Variants in LRMDA observed in about 807,000 individuals in gnomAD.
The protein encoded by LRMDA is leucine-rich melanocyte differentiation-associated protein.
A neutral mutation model predicts 29.8 loss-of-function variants in LRMDA; 18 were observed. The ratio of observed to expected loss-of-function variants is 0.60; its 90% CI spans 0.42 to 0.90. LRMDA has a LOEUF of 0.90. Ranked by LOEUF, LRMDA falls within the 40% of genes least tolerant of loss-of-function variation. The pLI is 0.00. For synonymous variants in LRMDA, 125 were observed against 109.4 expected (o/e 1.14, Z -0.89); for missense variants, 273 against 273.9 (o/e 1.00, Z 0.02).
intron 5 of LRMDA, among the ~76,000 whole-genome samples, chr10:76,217,465 G>A (rs1260554176): frequency 1.3e-5 from 2 of 152,276 alleles, no homozygotes; most frequent in South Asian, 2.1e-4. Context: ...GGCTGGGGGG[G>A]AATGGTTATG....
At chr10:76,133,719 A>T (rs111644304) in intron 5 of LRMDA, among the ~76,000 whole-genome samples, 49 of 152,238 alleles carry the variant, frequency 3.2e-4, no homozygotes, top group Non-Finnish European at 4.1e-4. Context: ...ACTCGACGAC[A>T]TGTGGAAAAT....
At chr10:76,167,874 T>C (rs1850768856) in intron 5 of LRMDA, among the ~76,000 whole-genome samples, 1 of 152,190 alleles carries the variant, frequency 6.6e-6, no homozygotes. Flanking sequence ...TATTGATTTT[T>C]CCCATCCATG....
intron 2 of LRMDA, among the ~76,000 whole-genome samples, chr10:76,022,860 C>T (rs1213594808): frequency 6.6e-6 from 1 of 152,142 alleles, no homozygotes; most frequent in African/African-American, 2.4e-5. Flanking sequence ...TGTTTAATTT[C>T]CGTATCTCAA....
intron 6 of LRMDA, among the ~76,000 whole-genome samples, chr10:76,518,074 C>T (rs1843079684): frequency 6.6e-6 from 1 of 151,574 alleles, no homozygotes; most frequent in African/African-American, 2.4e-5. Context: ...GGACTGAACT[C>T]ACAAGTGAAC....
intron 5 of LRMDA, among the ~76,000 whole-genome samples, chr10:76,248,461 G>A (rs546866689): frequency 2.6e-5 from 4 of 152,130 alleles, no homozygotes; most frequent in Non-Finnish European, 5.9e-5. Context: ...TGAAGAGTCC[G>A]TCAAAAACAT....
chr10:75,746,558 T>C (rs1169334908), intron 2 of LRMDA, among the ~76,000 whole-genome samples: 1 of 152,130 alleles, frequency 6.6e-6, no homozygotes, highest in Non-Finnish European at 1.5e-5. Context: ...CTTACAAATA[T>C]TTGTCAGAGG....
intron 5 of LRMDA, among the ~76,000 whole-genome samples, chr10:76,272,930 C>G (rs570123323): frequency 2.0e-5 from 3 of 152,262 alleles, no homozygotes; most frequent in Non-Finnish European, 4.4e-5. Context: ...AAACTGCCCC[C>G]ATGATCCAGT....
At chr10:76,323,316 C>T (rs551262013) in intron 5 of LRMDA, among the ~76,000 whole-genome samples, 1 of 151,904 alleles carries the variant, frequency 6.6e-6, no homozygotes, top group South Asian at 2.1e-4. Context: ...AGTTTTGATT[C>T]CTATAATATA....
rs149254281 is a variant in LRMDA at position 76,186,732 on chromosome 10, G to A, written c.516+127949G>A. ...GGTAGGATACTAAGCCCTGAAGACA[G>A]GGCAGTAAAAAAGATAGACTCAGTC... On this transcript the variant is annotated intron_variant, in intron 5 of 6. Transcript: ENST00000611255. Among the ~76,000 whole-genome samples the A allele has an allele frequency of 1.6e-3, 239 of 152,282 alleles. 1 individual carries two copies. The highest frequency in any genetic ancestry group is 5.4e-3 in the African/African-American group (224 of 41,560).
At chr10:76,161,543 G>C (rs1477594808) in intron 5 of LRMDA, among the ~76,000 whole-genome samples, 1 of 152,144 alleles carries the variant, frequency 6.6e-6, no homozygotes, top group Non-Finnish European at 1.5e-5. Context: ...CAATTGTTTG[G>C]AGTCATCTTG....
chr10:75,658,717 T>A (rs1383284903), intron 2 of LRMDA, among the ~76,000 whole-genome samples: 4 of 152,172 alleles, frequency 2.6e-5, no homozygotes, highest in Non-Finnish European at 5.9e-5. Context: ...ACTAAGATGA[T>A]GTTCAGTATA....
At chr10:75,935,989 A>G (rs1373583701) in intron 2 of LRMDA, among the ~76,000 whole-genome samples, 1 of 150,776 alleles carries the variant, frequency 6.6e-6, no homozygotes, top group Non-Finnish European at 1.5e-5. Context: ...CTGCCCCCTC[A>G]TTTTTATTTT....
At chr10:76,127,752 T>C (rs1006141112) in intron 5 of LRMDA, among the ~76,000 whole-genome samples, 4 of 152,158 alleles carry the variant, frequency 2.6e-5, no homozygotes, top group African/African-American at 9.7e-5. Flanking sequence ...TTTAAAGTTC[T>C]AGTTCCTCTT....
intron 5 of LRMDA, among the ~76,000 whole-genome samples, chr10:76,177,858 C>A (rs888426979): frequency 1.3e-5 from 2 of 152,152 alleles, no homozygotes; most frequent in African/African-American, 2.4e-5. Flanking sequence ...AGCCATTTTC[C>A]AGATGAGAAA....
At chr10:76,493,481 A>G (rs1042950100) in intron 6 of LRMDA, among the ~76,000 whole-genome samples, 1 of 152,090 alleles carries the variant, frequency 6.6e-6, no homozygotes, top group Non-Finnish European at 1.5e-5. Context: ...TCCCATTTTT[A>G]AGAAGATTAT....
At chr10:75,753,281 G>A (rs146112243) in intron 2 of LRMDA, among the ~76,000 whole-genome samples, 2 of 152,238 alleles carry the variant, frequency 1.3e-5, no homozygotes, top group African/African-American at 4.8e-5. Context: ...AAGGGCAGTG[G>A]GGACCTTACC....
chr10:76,315,294 C>T (rs1029592089), intron 5 of LRMDA, among the ~76,000 whole-genome samples: 7 of 152,210 alleles, frequency 4.6e-5, no homozygotes, highest in African/African-American at 1.7e-4. Context: ...AGAGCCCCAC[C>T]CCCTAACCAG....
intron 2 of LRMDA, among the ~76,000 whole-genome samples, chr10:75,442,182 T>G (rs944574192): frequency 6.6e-6 from 1 of 152,266 alleles, no homozygotes; most frequent in African/African-American, 2.4e-5. Context: ...TACAACATGA[T>G]GTTCTGATAC....
intron 2 of LRMDA, among the ~76,000 whole-genome samples, chr10:75,611,496 C>T (rs1841031318): frequency 6.6e-6 from 1 of 152,180 alleles, no homozygotes; most frequent in African/African-American, 2.4e-5. Context: ...AACTCCATAC[C>T]CATTAAATAG....
Sources: allele counts gnomAD v4.1 joint callset (sites outside exome capture counted in the v4.1 genomes callset), GRCh38; gene constraint gnomAD v4.1.1; transcripts MANE v1.5; gene names NCBI Gene and HGNC (gene_info 2026-07-23, HGNC 2026-07-21).